The following POU2F1 variants were observed in gnomAD, a reference collection of about 807,000 sequenced individuals.
The protein encoded by POU2F1 is POU domain, class 2, transcription factor 1.
Under a neutral mutation model 84.9 loss-of-function variants are expected in POU2F1, and 16 were observed. That is an observed-to-expected ratio of 0.19 (90% CI 0.13 to 0.29). The LOEUF is 0.29. Ranked by LOEUF, POU2F1 falls within the 10% of genes least tolerant of loss-of-function variation. POU2F1 has a pLI of 1.00. For missense variants in POU2F1, 738 were observed against 942.6 expected (o/e 0.78, Z 2.84); for synonymous variants, 368 against 368.3 (o/e 1.00, Z 0.01).
At chr1:167,322,898 A>AC (rs1251985196) in intron 1 of POU2F1, among the ~76,000 whole-genome samples, 1 of 152,216 alleles carries the variant, frequency 6.6e-6, no homozygotes, top group African/African-American at 2.4e-5. Flanking sequence ...TGGTTCAGGA[A>AC]CACCTTAAGC....
At chr1:167,222,881 G>C (rs1429678809) in intron 1 of POU2F1, among the ~76,000 whole-genome samples, 1 of 152,092 alleles carries the variant, frequency 6.6e-6, no homozygotes, top group Non-Finnish European at 1.5e-5. Flanking sequence ...TTGGGGATGG[G>C]TACCCCGGTT....
At chr1:167,411,607 G>C (rs2101943274) in intron 13 of POU2F1, among the ~76,000 whole-genome samples, 1 of 152,232 alleles carries the variant, frequency 6.6e-6, no homozygotes, top group East Asian at 1.9e-4. Context: ...TGAATGAAAA[G>C]AGCTTTACAG....
intron 2 of POU2F1, among the ~76,000 whole-genome samples, chr1:167,347,667 C>CTATA (rs1658289509): frequency 6.6e-6 from 1 of 152,164 alleles, no homozygotes; most frequent in Non-Finnish European, 1.5e-5. Context: ...AAACCCTATA[C>CTATA]CCCTTAAGTA....
chr1:167,328,106 A>G (rs1240794451), intron 1 of POU2F1, among the ~76,000 whole-genome samples: 2 of 152,222 alleles, frequency 1.3e-5, no homozygotes, highest in Admixed American at 1.3e-4. Context: ...AGTGAAATAT[A>G]CTTGAGAATA....
intron 1 of POU2F1, among the ~76,000 whole-genome samples, chr1:167,249,736 A>G (rs529187745): frequency 6.6e-6 from 1 of 152,236 alleles, no homozygotes; most frequent in South Asian, 2.1e-4. Flanking sequence ...GGAGAGTTTA[A>G]AGTTTTAGAG....
At chr1:167,413,180 TGTGTG>T in intron 15 of POU2F1, 66 bp downstream of exon 15, 1 of 1,351,950 alleles carries the variant, frequency 7.4e-7, no homozygotes. Flanking sequence ...TGTGTGTGTG[TGTGTG>T]TGTGCTTGAG....
At chr1:167,230,877 A>T (rs1016302131) in intron 1 of POU2F1, among the ~76,000 whole-genome samples, 1 of 152,232 alleles carries the variant, frequency 6.6e-6, no homozygotes, top group Non-Finnish European at 1.5e-5. Flanking sequence ...CTTTGTCACC[A>T]TGGGGTGACC....
chr1:167,352,066 T>C (rs1030970303), intron 2 of POU2F1, among the ~76,000 whole-genome samples: 2 of 152,142 alleles, frequency 1.3e-5, no homozygotes, highest in Non-Finnish European at 2.9e-5. Context: ...GGAGATGACA[T>C]TGAAGGATAA....
At chr1:167,366,325 ATAGTAATGGTGC>A (rs1490398134) in intron 3 of POU2F1, among the ~76,000 whole-genome samples, 3 of 152,318 alleles carry the variant, frequency 2.0e-5, no homozygotes, top group East Asian at 3.9e-4. Flanking sequence ...ATATGTGTTG[ATAGTAATGGTGC>A]TAGTGATGGT....
At chr1:167,291,626 T>A (rs1235571784) in intron 1 of POU2F1, among the ~76,000 whole-genome samples, 1 of 152,152 alleles carries the variant, frequency 6.6e-6, no homozygotes, top group African/African-American at 2.4e-5. Flanking sequence ...AAGGAGATTC[T>A]AGGGGGTAGT....
Position 167,353,498 on chromosome 1 carries a change from CTCTT to C in POU2F1, c.128-11966_128-11963del, listed in dbSNP as rs147630364. Among the ~76,000 whole-genome samples, 746 of 152,250 alleles carry C rather than the reference CTCTT, an allele frequency of 4.9e-3. 6 individuals are homozygous for C. The highest frequency in any genetic ancestry group is 0.017 in the African/African-American group (704 of 41,524). On this transcript the variant is annotated intron_variant, in intron 2 of 15. Coordinates refer to ENST00000367866, the MANE Select transcript of POU2F1 (RefSeq NM_002697.4). ...CTTTTCAGCATATCCCTTCCACAGACTCTTTCAGTCTTTTAAGTTTGCTCAGGTT... is the reference window on the plus strand; with the variant it reads ...CTTTTCAGCATATCCCTTCCACAGACTCAGTCTTTTAAGTTTGCTCAGGTT...
chr1:167,389,891 G>A (rs1034524705), intron 9 of POU2F1, 130 bp downstream of exon 9: 1 of 1,007,856 alleles, frequency 9.9e-7, no homozygotes, highest in South Asian at 1.6e-5. Flanking sequence ...GGACGAAAAA[G>A]GATGGTCATG....
At chr1:167,268,649 CCA>C (rs1395899293) in intron 1 of POU2F1, among the ~76,000 whole-genome samples, 1 of 152,192 alleles carries the variant, frequency 6.6e-6, no homozygotes, top group African/African-American at 2.4e-5. Context: ...TCCTCCTATG[CCA>C]CACACAACCA....
intron 8 of POU2F1, among the ~76,000 whole-genome samples, chr1:167,385,706 T>C (rs1395734238): frequency 6.6e-6 from 1 of 152,232 alleles, no homozygotes; most frequent in African/African-American, 2.4e-5. Context: ...AAAAAATCTT[T>C]GTGTCCTTGG....
intron 1 of POU2F1, among the ~76,000 whole-genome samples, chr1:167,283,872 T>A (rs1653340316): frequency 6.6e-6 from 1 of 152,236 alleles, no homozygotes; most frequent in African/African-American, 2.4e-5. Context: ...TGTCATTTAA[T>A]AAATAATAAT....
chr1:167,387,722 C>G (rs924461111), intron 8 of POU2F1, among the ~76,000 whole-genome samples: 7 of 152,208 alleles, frequency 4.6e-5, no homozygotes, highest in Admixed American at 3.9e-4. Flanking sequence ...AACTGAGCAA[C>G]TAAGATGCAG....
chr1:167,293,313 G>A (rs946336222), intron 1 of POU2F1, among the ~76,000 whole-genome samples: 1 of 152,130 alleles, frequency 6.6e-6, no homozygotes, highest in African/African-American at 2.4e-5. Context: ...TTACAAATCA[G>A]TAGCACTGCT....
chr1:167,372,096 A>T (rs1424529377), intron 5 of POU2F1, 60 bp downstream of exon 5: 1 of 1,566,458 alleles, frequency 6.4e-7, no homozygotes, highest in East Asian at 2.3e-5. Context: ...GCCATTGGCC[A>T]ATAGCTGATT....
rs139767278 is a variant in POU2F1, at chr1:167,237,945, A to G, written c.61+16987A>G. 5.4e-4 allele frequency among the ~76,000 whole-genome samples: 82 copies of G among 151,442 alleles called. 2 individuals carry two copies. The East Asian group carries it at 0.015, about 27-fold the overall frequency. Reference sequence around the variant, plus strand: ...CAAGTGCGTGCCACCGCACCCGGCTAATTTTTTTGTATTCTTAGTACAGAT... The same window carrying G: ...CAAGTGCGTGCCACCGCACCCGGCTGATTTTTTTGTATTCTTAGTACAGAT... On this transcript the variant is annotated intron_variant, in intron 1 of 15. Transcript: ENST00000367866.
Sources: allele counts gnomAD v4.1 joint callset (sites outside exome capture counted in the v4.1 genomes callset), GRCh38; gene constraint gnomAD v4.1.1; transcripts MANE v1.5; gene names NCBI Gene and HGNC (gene_info 2026-07-23, HGNC 2026-07-21).